Variants in LRBA observed in about 807,000 individuals in gnomAD.
The protein encoded by LRBA is LPS responsive beige-like anchor protein, also known as lipopolysaccharide-responsive and beige-like anchor protein.
Under a neutral mutation model 330.0 loss-of-function variants are expected in LRBA, and 176 were observed. The ratio of observed to expected loss-of-function variants is 0.53; its 90% confidence interval spans 0.47 to 0.60. The LOEUF (loss-of-function observed/expected upper bound fraction) is 0.60, where lower values mean the gene tolerates loss of function less well. LRBA is among the 20% of genes least tolerant of loss of function. LRBA has a pLI of 0.00. For synonymous variants in LRBA, 1,230 were observed against 1,193.0 expected (o/e 1.03, Z -0.64); for missense variants, 3,259 against 3,444.8 (o/e 0.95, Z 1.35).
chr4:150,950,753 C>T (rs1736750481), intron 2 of LRBA, among the ~76,000 whole-genome samples: 1 of 152,126 alleles, frequency 6.6e-6, no homozygotes, highest in South Asian at 2.1e-4. Flanking sequence ...ATTTACTCTT[C>T]CTTCCATCCT....
chr4:150,959,673 GTTAC>G (rs1218177089), intron 2 of LRBA, among the ~76,000 whole-genome samples: 3 of 148,070 alleles, frequency 2.0e-5, no homozygotes, highest in Non-Finnish European at 4.4e-5. Context: ...AGAAATGGCT[GTTAC>G]TTACAAAATT....
In LRBA at chr4:150,893,167, AT is replaced by A. The variant is rs752373103; in HGVS notation, c.2068-19del. ...TTGTCATCCTATAATCATTTTAGAA[AT>A]TTTTTTTAAAAAATGAGGAAAAAAC... On this transcript the variant is annotated intron_variant, in intron 16 of 56. Coordinates refer to ENST00000651943, the MANE Select transcript of LRBA (RefSeq NM_001364905.1). 24 of 1,501,346 alleles carry A rather than the reference AT, an allele frequency of 1.6e-5. No homozygotes were observed. The highest frequency in any genetic ancestry group is 3.7e-5 in the South Asian group (3 of 82,116). The allele number at this position is 1,501,346 out of a possible 1,614,324, so 93.0% of individuals were successfully genotyped here. A position where few individuals can be genotyped will look rare whatever the true frequency, so the allele number is the denominator to read the frequency against.
intron 47 of LRBA, among the ~76,000 whole-genome samples, chr4:150,380,812 C>T (rs146308144): frequency 0.23 from 21,502 of 91,998 alleles, 1,589 homozygotes; most frequent in Middle Eastern, 0.28. Context: ...CCCGTCTCTA[C>T]TAAAAATACA....
chr4:150,976,523 CTAATA>C (rs1046973909), intron 2 of LRBA, among the ~76,000 whole-genome samples: 2 of 152,178 alleles, frequency 1.3e-5, no homozygotes, highest in East Asian at 3.9e-4. Context: ...GTTATTTAAT[CTAATA>C]TGTTATATAT....
chr4:150,670,721 A>G (rs531017305), intron 37 of LRBA, among the ~76,000 whole-genome samples: 10 of 152,278 alleles, frequency 6.6e-5, no homozygotes, highest in African/African-American at 2.4e-4. Context: ...TCATCTTTCT[A>G]TGTGTGTACA....
intron 36 of LRBA, among the ~76,000 whole-genome samples, chr4:150,732,330 T>C (rs1408719095): frequency 6.6e-6 from 1 of 152,094 alleles, no homozygotes; most frequent in African/African-American, 2.4e-5. Context: ...GGTATTTGCA[T>C]GTTTGTGAGT....
At chr4:150,636,680 A>G (rs1234633948) in intron 37 of LRBA, among the ~76,000 whole-genome samples, 1 of 152,130 alleles carries the variant, frequency 6.6e-6, no homozygotes, top group African/African-American at 2.4e-5. Flanking sequence ...TAATCCCAGT[A>G]CTTTATTGCC....
At chr4:150,293,753 C>G (rs1268824562) in intron 53 of LRBA, among the ~76,000 whole-genome samples, 1 of 152,182 alleles carries the variant, frequency 6.6e-6, no homozygotes, top group Admixed American at 6.5e-5. Context: ...CTGTATGGGT[C>G]TACTCATTTG....
chr4:150,508,291 T>TG (rs1472966182), intron 40 of LRBA, among the ~76,000 whole-genome samples: 2 of 137,230 alleles, frequency 1.5e-5, no homozygotes, highest in Non-Finnish European at 3.4e-5. Flanking sequence ...AGTTTTGTTT[T>TG]GTTTTTTTTG....
intron 47 of LRBA, among the ~76,000 whole-genome samples, chr4:150,414,735 C>T (rs1747489708): frequency 6.6e-6 from 1 of 152,168 alleles, no homozygotes; most frequent in Non-Finnish European, 1.5e-5. Flanking sequence ...AGGTAATCCA[C>T]CCACCTTGGC....
chr4:150,537,150 A>T (rs1764744695), intron 40 of LRBA, among the ~76,000 whole-genome samples: 1 of 152,240 alleles, frequency 6.6e-6, no homozygotes, highest in South Asian at 2.1e-4. Flanking sequence ...CCAATGGAAC[A>T]GAATAGACAA....
chr4:150,449,720 G>A (rs1203140789), intron 44 of LRBA, among the ~76,000 whole-genome samples: 1 of 152,000 alleles, frequency 6.6e-6, no homozygotes, highest in African/African-American at 2.4e-5. Flanking sequence ...CTTATCTATT[G>A]ACTAGATTGA....
At chr4:150,542,894 G>A (rs1446950073) in intron 40 of LRBA, among the ~76,000 whole-genome samples, 1 of 151,988 alleles carries the variant, frequency 6.6e-6, no homozygotes, top group Non-Finnish European at 1.5e-5. Flanking sequence ...CAAACTTCAA[G>A]AAAATTTTAG....
intron 44 of LRBA, among the ~76,000 whole-genome samples, chr4:150,441,223 G>A (rs1218754675): frequency 2.0e-5 from 3 of 152,030 alleles, no homozygotes; most frequent in Non-Finnish European, 4.4e-5. Flanking sequence ...GAAAGACCGT[G>A]ATTAAACATC....
intron 2 of LRBA, among the ~76,000 whole-genome samples, chr4:150,983,577 C>T (rs1305181373): frequency 1.3e-5 from 2 of 151,624 alleles, no homozygotes; most frequent in East Asian, 1.9e-4. Flanking sequence ...CTCAGCCTCC[C>T]GAGTAGCTGG....
chr4:150,487,921 T>C, intron 41 of LRBA, 87 bp from the exon 42 acceptor site: 1 of 595,220 alleles, frequency 1.7e-6, no homozygotes, highest in Admixed American at 2.5e-5. Flanking sequence ...ATATTTACTT[T>C]TAATTCAGGT....
At chr4:150,441,571 C>T (rs1751846075) in intron 44 of LRBA, among the ~76,000 whole-genome samples, 1 of 151,986 alleles carries the variant, frequency 6.6e-6, no homozygotes, top group African/African-American at 2.4e-5. Flanking sequence ...ATTTTAGGAA[C>T]TCTTACCTGA....
At chr4:150,714,856 C>T (rs1274566195) in intron 36 of LRBA, among the ~76,000 whole-genome samples, 2 of 152,094 alleles carry the variant, frequency 1.3e-5, no homozygotes, top group African/African-American at 2.4e-5. Context: ...AGGCCATCCA[C>T]ATTCACCTAA....
At chr4:150,405,698 T>G (rs1309680408) in intron 47 of LRBA, among the ~76,000 whole-genome samples, 1 of 152,088 alleles carries the variant, frequency 6.6e-6, no homozygotes, top group Non-Finnish European at 1.5e-5. Flanking sequence ...GGAGCTGAGT[T>G]GGAGCAAAGC....
Sources: gnomAD v4.1 joint callset for allele counts (sites outside exome capture counted in the v4.1 genomes callset) on GRCh38, gnomAD v4.1.1 for gene constraint, MANE v1.5 for transcripts, NCBI Gene and HGNC (gene_info 2026-07-23, HGNC 2026-07-21) for gene names.